The following SPTLC3 variants were observed in gnomAD, a reference collection of about 807,000 sequenced individuals.
SPTLC3 encodes the protein serine palmitoyltransferase 3.
Under a neutral mutation model 59.3 loss-of-function variants are expected in SPTLC3, and 36 were observed. The ratio of observed to expected loss-of-function variants is 0.61; its 90% CI spans 0.47 to 0.80. The LOEUF (loss-of-function observed/expected upper bound fraction) is 0.80, where lower values mean the gene tolerates loss of function less well. SPTLC3 is among the 30% of genes least tolerant of loss of function. The pLI is 0.00. For synonymous variants in SPTLC3, 257 were observed against 240.8 expected (o/e 1.07, Z -0.62); for missense variants, 625 against 685.1 (o/e 0.91, Z 0.98).
At position 13,067,071 on chromosome 20, in the gene SPTLC3, A is replaced by ACTTC. The variant is rs1348759209; in HGVS notation, c.304-5185_304-5184insCTTC. ...TATATATATATATATATATATATAT[A>ACTTC]TATATATATATATATATATATATAT... On this transcript the variant is annotated intron_variant, in intron 2 of 11. Transcript: ENST00000399002. 5.3e-3 allele frequency among the ~76,000 whole-genome samples: 27 copies of ACTTC among 5,118 alleles called. 8 individuals carry two copies. The highest frequency in any genetic ancestry group is 0.049 in the African/African-American group (27 of 552). The allele number at this position is 5,118 out of a possible 152,430, so 3.4% of individuals were successfully genotyped here.
rs892824336 is a variant in SPTLC3, at chr20:13,009,399, C to T, written c.117+15C>T. On this transcript the variant is annotated intron_variant, in intron 1 of 11. Coordinates refer to ENST00000399002, the MANE Select transcript of SPTLC3 (RefSeq NM_018327.4). ...AGGAAGCCCAGGTAAGAGGCACTCT[C>T]CCCTACTCTTCTCTGAATTACCTGA... 3.1e-6 allele frequency: 5 copies of T among 1,592,892 alleles called. No individual in the cohort carries two copies. Among genetic ancestry groups the T allele is most frequent in the Non-Finnish European group, 4.3e-6 (5 of 1,160,956 alleles).
At chr20:13,040,377 T>C (rs1263462011) in intron 1 of SPTLC3, among the ~76,000 whole-genome samples, 1 of 152,090 alleles carries the variant, frequency 6.6e-6, no homozygotes, top group African/African-American at 2.4e-5. Context: ...CTTTTTTTTT[T>C]TTGACGGAGT....
In SPTLC3 at chr20:13,167,725, G is replaced by A. The variant is rs746140201; in HGVS notation, c.*2858G>A. ...TGCTTTGATTTTACAGAGACGACAG[G>A]CTTTGGAATTTACTAGGAAGCTGGC... On this transcript the variant is annotated 3_prime_UTR_variant, in exon 12 of 12. Transcript: ENST00000399002. 1.3e-5 allele frequency: 2 copies of A among 152,160 alleles called. No homozygotes were observed. The highest frequency in any genetic ancestry group is 2.9e-5 in the Non-Finnish European group (2 of 68,024). 9.4% of individuals were successfully genotyped at this position (152,160 alleles called of 1,614,324 possible).
In SPTLC3 at chr20:13,137,293, T is replaced by C. The variant is rs150522736; in HGVS notation, c.1279+10576T>C. On this transcript the variant is annotated intron_variant, in intron 9 of 11. Transcript: ENST00000399002. ...TCCATCTGTGGGGAAGTTGTTGCCTTGGCTGTAGAATTCTACTTGCACGTT... is the reference window on the plus strand; with the variant it reads ...TCCATCTGTGGGGAAGTTGTTGCCTCGGCTGTAGAATTCTACTTGCACGTT... Among the ~76,000 whole-genome samples the C allele has an allele frequency of 5.7e-3, 873 of 152,312 alleles. 7 individuals are homozygous for C. The highest frequency in any genetic ancestry group is 0.014 in the Middle Eastern group (4 of 294).
chr20:13,098,706 G>A (rs952432923), intron 6 of SPTLC3, among the ~76,000 whole-genome samples: 1 of 152,162 alleles, frequency 6.6e-6, no homozygotes, highest in Non-Finnish European at 1.5e-5. Flanking sequence ...TATTGAGAAA[G>A]TCCTCTGTGC....
intron 6 of SPTLC3, among the ~76,000 whole-genome samples, chr20:13,109,805 G>A (rs1356948235): frequency 1.3e-5 from 2 of 152,180 alleles, no homozygotes; most frequent in Non-Finnish European, 2.9e-5. Flanking sequence ...CCTAAGAGAT[G>A]CATTTAACGT....
chr20:13,159,582 G>A (rs2038849566), intron 10 of SPTLC3, among the ~76,000 whole-genome samples: 1 of 152,012 alleles, frequency 6.6e-6, no homozygotes, highest in Non-Finnish European at 1.5e-5. Flanking sequence ...AAACATATAG[G>A]TTTACAATTA....
At chr20:13,125,844 G>C (rs925299385) in intron 8 of SPTLC3, among the ~76,000 whole-genome samples, 7 of 152,194 alleles carry the variant, frequency 4.6e-5, no homozygotes, top group African/African-American at 1.7e-4. Context: ...AAATCACAAG[G>C]CCAGCCCAGA....
chr20:13,116,686 T>C (rs1316659641), intron 7 of SPTLC3, among the ~76,000 whole-genome samples: 1 of 152,106 alleles, frequency 6.6e-6, no homozygotes, highest in Non-Finnish European at 1.5e-5. Flanking sequence ...TACAATATCA[T>C]GAAAAATAAA....
chr20:13,063,505 C>G lies in SPTLC3; in HGVS notation c.304-8751C>G, dbSNP rs183988407. 2.0e-5 allele frequency among the ~76,000 whole-genome samples: 3 copies of G among 151,866 alleles called. No homozygotes were observed. The East Asian group carries it at 5.8e-4, about 29-fold the overall frequency. On this transcript the variant is annotated intron_variant, in intron 2 of 11. Transcript: ENST00000399002. The stretch of plus-strand genomic sequence containing the variant: ...TGTTAGTCGTGTTTATAAAATGTTC[C>G]TACAGTTTCATTCAGAACTTTTGTG...
chr20:13,157,608 C>T (rs2038805203), intron 10 of SPTLC3, among the ~76,000 whole-genome samples: 1 of 151,664 alleles, frequency 6.6e-6, no homozygotes, highest in African/African-American at 2.4e-5. Context: ...AACACAGAGT[C>T]TAATTATTTT....
intron 2 of SPTLC3, among the ~76,000 whole-genome samples, chr20:13,052,660 A>G (rs1355163087): frequency 6.6e-6 from 1 of 152,182 alleles, no homozygotes; most frequent in Non-Finnish European, 1.5e-5. Flanking sequence ...TCTTGCTGCC[A>G]GCACAGCAGT....
intron 9 of SPTLC3, among the ~76,000 whole-genome samples, chr20:13,130,692 G>T (rs1326748779): frequency 1.3e-5 from 2 of 152,200 alleles, no homozygotes; most frequent in Non-Finnish European, 2.9e-5. Context: ...TAATCTCCTG[G>T]TCTGTCACTC....
At chr20:13,013,011 A>G (rs1235026817) in intron 1 of SPTLC3, among the ~76,000 whole-genome samples, 1 of 152,218 alleles carries the variant, frequency 6.6e-6, no homozygotes, top group Non-Finnish European at 1.5e-5. Flanking sequence ...AAGAAAGGTC[A>G]TGAAGCATTC....
intron 9 of SPTLC3, among the ~76,000 whole-genome samples, chr20:13,127,044 C>T (rs1343688687): frequency 6.6e-6 from 1 of 152,230 alleles, no homozygotes; most frequent in Non-Finnish European, 1.5e-5. Flanking sequence ...TTGCTTGGGG[C>T]TGTCACTTGT....
intron 1 of SPTLC3, among the ~76,000 whole-genome samples, chr20:13,025,827 C>A (rs1986114866): frequency 6.6e-6 from 1 of 152,092 alleles, no homozygotes; most frequent in Non-Finnish European, 1.5e-5. Flanking sequence ...ATTTCATCAT[C>A]CAGGTACTAA....
Position 13,125,501 on chromosome 20 carries a change from G to A in SPTLC3, c.1153-1090G>A, listed in dbSNP as rs1600330355. Among the ~76,000 whole-genome samples, 3 of 152,240 alleles carry A rather than the reference G, an allele frequency of 2.0e-5. No homozygotes were observed. In the Middle Eastern group the frequency reaches 0.01, roughly 518 times the overall value. ...GTGTAACAAACCACCCCCAAATTTG[G>A]TGTCTAAAAACACCACCATTTATTT... On this transcript the variant is annotated intron_variant, in intron 8 of 11. Transcript: ENST00000399002.
intron 2 of SPTLC3, among the ~76,000 whole-genome samples, chr20:13,059,234 C>T (rs1987851220): frequency 6.6e-6 from 1 of 152,036 alleles, no homozygotes; most frequent in Non-Finnish European, 1.5e-5. Context: ...ATTATCCTAG[C>T]CTGTGTGCAG....
At chr20:13,087,949 C>T (rs555284333) in intron 4 of SPTLC3, among the ~76,000 whole-genome samples, 6 of 152,304 alleles carry the variant, frequency 3.9e-5, no homozygotes, top group South Asian at 2.1e-4. Context: ...GGAAATAGTA[C>T]GTGCAACATC....
Sources: allele counts gnomAD v4.1 joint callset (sites outside exome capture counted in the v4.1 genomes callset), GRCh38; gene constraint gnomAD v4.1.1; transcripts MANE v1.5; gene names NCBI Gene and HGNC (gene_info 2026-07-23, HGNC 2026-07-21).